TMX1: variants seen among roughly 807,000 people sequenced by gnomAD.
TMX1 encodes thioredoxin related transmembrane protein 1, also known as thioredoxin-related transmembrane protein 1.
In TMX1, 25 loss-of-function variants were observed where a neutral mutation model predicts 36.6. The observed-to-expected ratio is 0.68, with a 90% CI of 0.50 to 0.95. The LOEUF is 0.95. Among genes scored for constraint, TMX1 ranks in the 40% least tolerant of loss-of-function variants. The pLI is 0.00. For synonymous variants in TMX1, 133 were observed against 118.0 expected, an observed-to-expected ratio of 1.13 and a Z score of -0.82; for missense variants, 347 against 339.6, an observed-to-expected ratio of 1.02 and a Z score of -0.17.
chr14:51,247,741 A>C (rs1312545572), intron 4 of TMX1, among the ~76,000 whole-genome samples: 1 of 152,188 alleles, frequency 6.6e-6, no homozygotes, highest in Middle Eastern at 3.2e-3. Context: ...TTATAGAAGT[A>C]AGTTGTACAC....
At position 51,247,076 on chromosome 14, in the gene TMX1, T is replaced by G; in HGVS notation, c.315-16T>G. ...TTTCTCAGTGCTGGATAATATTTAA[T>G]TCTGATTCTCTTTAGTTGTAAAGAT... On this transcript the variant is annotated splice_polypyrimidine_tract_variant and intron_variant, in intron 3 of 7. Transcript: ENST00000457354. 1 of 1,596,474 alleles carries G rather than the reference T, an allele frequency of 6.3e-7. No individual in the cohort carries two copies.
rs1233468056 is a variant in TMX1, at chr14:51,243,993, T to C, written c.268+22T>C. On this transcript the variant is annotated intron_variant, in intron 2 of 7. Transcript: ENST00000457354. ...CCAGGTACTGTAAGTCTTTGGTTAG[T>C]TTTGTTTCTTTGCTGTTTGGGTTGA... The C allele has an allele frequency of 5.7e-6, 9 of 1,573,738 alleles. No homozygotes were observed. In the Admixed American group the frequency reaches 9.0e-5, roughly 16 times the overall value.
chr14:51,252,845 ATGT>A (rs1183058786), intron 7 of TMX1, among the ~76,000 whole-genome samples: 2 of 152,162 alleles, frequency 1.3e-5, no homozygotes, highest in Non-Finnish European at 2.9e-5. Flanking sequence ...GGCTCAAATG[ATGT>A]TGTTAAGATG....
intron 7 of TMX1, chr14:51,253,925 G>A (rs2065826478): frequency 6.6e-6 from 1 of 152,602 alleles, no homozygotes; most frequent in South Asian, 2.1e-4. Context: ...ATATGAGATA[G>A]TTTTTTTAAA....
intron 7 of TMX1, among the ~76,000 whole-genome samples, chr14:51,250,201 C>G (rs944481634): frequency 6.6e-6 from 1 of 152,180 alleles, no homozygotes; most frequent in Admixed American, 6.5e-5. Context: ...TAGGATGCCA[C>G]TGACACTGAA....
At chr14:51,240,564 C>G in intron 1 of TMX1, 120 bp downstream of exon 1, 2 of 1,384,234 alleles carry the variant, frequency 1.4e-6, no homozygotes, top group Admixed American at 2.6e-5. Flanking sequence ...GAGCGAGCGT[C>G]CCCGACTTCT....
chr14:51,244,126 T>G, intron 2 of TMX1, 155 bp downstream of exon 2: 1 of 532,648 alleles, frequency 1.9e-6, no homozygotes. Context: ...ACCTCCCTGC[T>G]GGGGGCTCAG....
intron 4 of TMX1, among the ~76,000 whole-genome samples, chr14:51,248,497 A>G (rs146524518): frequency 3.0e-4 from 46 of 152,338 alleles, no homozygotes; most frequent in Admixed American, 9.8e-4. Flanking sequence ...GAGGCTATAC[A>G]GTGCTTTATG....
chr14:51,246,110 A>G (rs568820618), intron 3 of TMX1, among the ~76,000 whole-genome samples: 3 of 151,476 alleles, frequency 2.0e-5, no homozygotes, highest in East Asian at 1.9e-4. Flanking sequence ...ATTCACCCCT[A>G]CTCCCTTTAC....
At chr14:51,252,845 A>T (rs929382011) in intron 7 of TMX1, among the ~76,000 whole-genome samples, 1 of 152,162 alleles carries the variant, frequency 6.6e-6, no homozygotes, top group Non-Finnish European at 1.5e-5. Flanking sequence ...GGCTCAAATG[A>T]TGTTGTTAAG....
chr14:51,240,840 A>AC (rs1446226796), intron 1 of TMX1, among the ~76,000 whole-genome samples: 1 of 152,114 alleles, frequency 6.6e-6, no homozygotes, highest in African/African-American at 2.4e-5. Context: ...ACCACATTTT[A>AC]CATAAGAGAA....
intron 1 of TMX1, among the ~76,000 whole-genome samples, chr14:51,243,135 A>G (rs1020669375): frequency 6.6e-6 from 1 of 152,058 alleles, no homozygotes; most frequent in African/African-American, 2.4e-5. Context: ...GGTGTATTAT[A>G]AGATAAAATA....
At chr14:51,248,817 T>A (rs2065798312) in intron 4 of TMX1, among the ~76,000 whole-genome samples, 1 of 152,242 alleles carries the variant, frequency 6.6e-6, no homozygotes, top group Non-Finnish European at 1.5e-5. Context: ...TGTAATAATT[T>A]TGTATATCAT....
chr14:51,242,709 T>G (rs1047560191), intron 1 of TMX1, among the ~76,000 whole-genome samples: 7 of 151,818 alleles, frequency 4.6e-5, no homozygotes, highest in Non-Finnish European at 8.8e-5. Flanking sequence ...CCCGGGAGGT[T>G]GAGGTTGCAG....
At position 51,255,392 on chromosome 14, in the gene TMX1, TG is replaced by T. The variant is rs1404770650; in HGVS notation, c.*874del. 3.7e-5 allele frequency: 4 copies of T among 109,568 alleles called. No individual in the cohort carries two copies. The highest frequency in any genetic ancestry group is 8.7e-5 in the African/African-American group (3 of 34,500). The allele number at this position is 109,568 out of a possible 1,614,324, so 6.8% of individuals were successfully genotyped here. A position where few individuals can be genotyped will look rare whatever the true frequency, so the allele number is the denominator to read the frequency against. On this transcript the variant is annotated 3_prime_UTR_variant, in exon 8 of 8. Coordinates refer to ENST00000457354, the MANE Select transcript of TMX1 (RefSeq NM_030755.5). ...TTCTTGCTGAACTTCAACTTGAAAT[TG>T]TTTTTTTTTTTTTTTCTTTTTGGAT...
chr14:51,240,478 G>C, intron 1 of TMX1, 34 bp downstream of exon 1: 1 of 1,602,182 alleles, frequency 6.2e-7, no homozygotes. Context: ...CTACGTCCGT[G>C]CCTGGACACA....
At position 51,240,283 on chromosome 14, in the gene TMX1, A is replaced by C; in HGVS notation, c.-10A>C. The C allele has an allele frequency of 6.2e-7, 1 of 1,608,386 alleles. No individual in the cohort carries two copies. Among genetic ancestry groups the C allele is most frequent in the Non-Finnish European group, 8.5e-7 (1 of 1,179,378 alleles). On this transcript the variant is annotated 5_prime_UTR_variant, in exon 1 of 8. Coordinates refer to ENST00000457354, the MANE Select transcript of TMX1 (RefSeq NM_030755.5). ...CGACCGCGCTCCCTGTGAGGTGGGC[A>C]AGCGGCGAAATGGCGCCCTCCGGGA...
rs1275411849 is a variant in TMX1, at chr14:51,249,581, A to G, written c.591+12A>G. 6.2e-7 allele frequency: 1 copy of G among 1,609,544 alleles called. No individual in the cohort carries two copies. Among genetic ancestry groups the G allele is most frequent in the Non-Finnish European group, 8.5e-7 (1 of 1,177,778 alleles). On this transcript the variant is annotated intron_variant, in intron 6 of 7. Coordinates refer to ENST00000457354, the MANE Select transcript of TMX1 (RefSeq NM_030755.5). ...TGTTATTAGGACTCGTAAGTATTTC[A>G]TTTTTGGAGTGCTAGGAAGAAAGAT...
chr14:51,243,563 G>A (rs1471399442), intron 1 of TMX1, among the ~76,000 whole-genome samples: 31 of 152,160 alleles, frequency 2.0e-4, no homozygotes, highest in Admixed American at 1.8e-3. Context: ...TGGCCACACC[G>A]TTAATAGAGA....
Sources: gnomAD v4.1 joint callset for allele counts (sites outside exome capture counted in the v4.1 genomes callset) on GRCh38, gnomAD v4.1.1 for gene constraint, MANE v1.5 for transcripts, NCBI Gene and HGNC (gene_info 2026-07-23, HGNC 2026-07-21) for gene names.